The following TAFA1 variants were observed in gnomAD, a reference collection of about 807,000 sequenced individuals.
TAFA1 encodes the protein chemokine-like protein TAFA-1.
Under a neutral mutation model 18.5 loss-of-function variants are expected in TAFA1, and 4 were observed. That is an observed-to-expected ratio of 0.22 (90% CI 0.11 to 0.49). TAFA1 has a LOEUF of 0.49. Among genes scored for constraint, TAFA1 ranks in the 20% least tolerant of loss-of-function variants. The pLI is 0.98. For missense variants in TAFA1, 147 were observed against 169.0 expected (o/e 0.87, Z 0.72); for synonymous variants, 56 against 55.2 (o/e 1.01, Z -0.06).
intron 2 of TAFA1, among the ~76,000 whole-genome samples, chr3:68,395,134 G>T (rs1339532260): frequency 6.6e-6 from 1 of 151,822 alleles, no homozygotes; most frequent in Non-Finnish European, 1.5e-5. Context: ...ATGGCCAAAG[G>T]ATATAAACAA....
chr3:68,305,564 A>G (rs1487698328), intron 2 of TAFA1, among the ~76,000 whole-genome samples: 1 of 150,522 alleles, frequency 6.6e-6, no homozygotes, highest in Non-Finnish European at 1.5e-5. Context: ...CTAGAGTAGT[A>G]ATCATTTTAG....
chr3:67,999,390 T>C (rs556801938), upstream of TAFA1, among the ~76,000 whole-genome samples: 61 of 152,096 alleles, frequency 4.0e-4, no homozygotes, highest in Non-Finnish European at 7.2e-4. Flanking sequence ...TCATCTATGC[T>C]AGTTAATTTA....
chr3:68,253,553 G>C (rs2067237044), intron 2 of TAFA1, among the ~76,000 whole-genome samples: 1 of 152,088 alleles, frequency 6.6e-6, no homozygotes, highest in Admixed American at 6.6e-5. Flanking sequence ...CCTTTGCATT[G>C]CTGTTTAACT....
chr3:68,151,845 C>T (rs1481759277), intron 2 of TAFA1, among the ~76,000 whole-genome samples: 1 of 152,114 alleles, frequency 6.6e-6, no homozygotes, highest in Non-Finnish European at 1.5e-5. Context: ...TGTTCTACAC[C>T]AAAACTTATA....
intron 2 of TAFA1, among the ~76,000 whole-genome samples, chr3:68,292,628 G>A (rs766268419): frequency 7.9e-5 from 12 of 152,258 alleles, no homozygotes; most frequent in Non-Finnish European, 1.5e-4. Context: ...CTGGGCTCAA[G>A]TGATCCTCCT....
chr3:67,994,027 T>G, the TAFA1 span, among the ~76,000 whole-genome samples: 1 of 152,130 alleles, frequency 6.6e-6, no homozygotes, highest in Non-Finnish European at 1.5e-5. Context: ...GGGTGAGCTG[T>G]GTGATATATA....
intron 2 of TAFA1, among the ~76,000 whole-genome samples, chr3:68,140,087 C>A (rs1465340635): frequency 6.6e-6 from 1 of 152,202 alleles, no homozygotes; most frequent in East Asian, 1.9e-4. Flanking sequence ...GCATCTCAAA[C>A]TGCAGTGAAG....
intron 2 of TAFA1, among the ~76,000 whole-genome samples, chr3:68,328,762 AT>A (rs1227348000): frequency 1.3e-5 from 2 of 152,034 alleles, no homozygotes; most frequent in Non-Finnish European, 2.9e-5. Context: ...TTTATATATA[AT>A]AAATATGTAT....
intron 2 of TAFA1, among the ~76,000 whole-genome samples, chr3:68,049,201 T>C (rs904540777): frequency 6.6e-6 from 1 of 152,188 alleles, no homozygotes; most frequent in South Asian, 2.1e-4. Flanking sequence ...CATAGAAATT[T>C]CCTTTTTTAC....
intron 2 of TAFA1, among the ~76,000 whole-genome samples, chr3:68,299,278 G>A (rs2068264507): frequency 6.6e-6 from 1 of 152,142 alleles, no homozygotes; most frequent in Non-Finnish European, 1.5e-5. Flanking sequence ...AAGATAAACA[G>A]CCCTAGCTAT....
chr3:68,501,526 A>T (rs1345165144), intron 3 of TAFA1, among the ~76,000 whole-genome samples: 6 of 152,226 alleles, frequency 3.9e-5, no homozygotes. Flanking sequence ...AGAAATGGAA[A>T]TGAAAACTAT....
chr3:68,376,573 A>G (rs1162344997), intron 2 of TAFA1, among the ~76,000 whole-genome samples: 1 of 152,162 alleles, frequency 6.6e-6, no homozygotes, highest in Non-Finnish European at 1.5e-5. Context: ...ATGTCGCTAC[A>G]AAGGACAGGA....
At chr3:68,012,121 T>C (rs547079782) in intron 2 of TAFA1, among the ~76,000 whole-genome samples, 4 of 152,230 alleles carry the variant, frequency 2.6e-5, no homozygotes, top group Non-Finnish European at 5.9e-5. Flanking sequence ...CTTTCAATTT[T>C]AAACTTTCTG....
intron 3 of TAFA1, among the ~76,000 whole-genome samples, chr3:68,464,820 T>C (rs1166673692): frequency 6.6e-6 from 1 of 152,170 alleles, no homozygotes; most frequent in Non-Finnish European, 1.5e-5. Context: ...TTTCATTCTG[T>C]AGTTCCATAT....
chr3:68,305,409 CTA>C (rs773025236), intron 2 of TAFA1, among the ~76,000 whole-genome samples: 851 of 37,792 alleles, frequency 0.023, 10 homozygotes, highest in South Asian at 0.028. Context: ...GACTATATGA[CTA>C]TATATATATA....
chr3:68,110,430 A>G (rs1431801502), intron 2 of TAFA1, among the ~76,000 whole-genome samples: 3 of 152,236 alleles, frequency 2.0e-5, no homozygotes, highest in East Asian at 3.8e-4. Context: ...TAGTGCTGCA[A>G]TGAACATACA....
intron 2 of TAFA1, among the ~76,000 whole-genome samples, chr3:68,036,964 G>A (rs1480674226): frequency 6.6e-6 from 1 of 152,088 alleles, no homozygotes; most frequent in African/African-American, 2.4e-5. Context: ...TCCCTCACCA[G>A]GAACTAATTC....
At chr3:68,225,502 G>A (rs1249988058) in intron 2 of TAFA1, among the ~76,000 whole-genome samples, 1 of 152,158 alleles carries the variant, frequency 6.6e-6, no homozygotes, top group East Asian at 1.9e-4. Flanking sequence ...CAACCTTGGA[G>A]AGGTCATGTC....
chr3:68,085,938 C>G (rs1455661550), intron 2 of TAFA1, among the ~76,000 whole-genome samples: 1 of 152,162 alleles, frequency 6.6e-6, no homozygotes, highest in East Asian at 1.9e-4. Flanking sequence ...AGCCACAGGT[C>G]TGGATCTTTA....
Sources: allele counts gnomAD v4.1 joint callset (sites outside exome capture counted in the v4.1 genomes callset), GRCh38; gene constraint gnomAD v4.1.1; transcripts MANE v1.5; gene names NCBI Gene and HGNC (gene_info 2026-07-23, HGNC 2026-07-21).